The following ZFHX3 variants were observed in gnomAD, a reference collection of about 807,000 sequenced individuals.
ZFHX3 encodes zinc finger homeobox 3, also known as zinc finger homeobox protein 3.
ZFHX3 carries 42 observed loss-of-function variants against 279.1 expected under a neutral mutation model. That is an observed-to-expected ratio of 0.15 (90% CI 0.12 to 0.19). The LOEUF is 0.19. Among genes scored for constraint, ZFHX3 ranks in the 10% least tolerant of loss-of-function variants. ZFHX3 has a pLI of 1.00. For synonymous variants in ZFHX3, 2,293 were observed against 1,957.8 expected (o/e 1.17, Z -4.52); for missense variants, 4,981 against 4,754.0 (o/e 1.05, Z -1.40).
At chr16:73,295,335 G>T (rs1160656105) in intron 4 of ZFHX3, among the ~76,000 whole-genome samples, 5 of 152,216 alleles carry the variant, frequency 3.3e-5, no homozygotes, top group Admixed American at 3.3e-4. Context: ...CTCTTCCAAT[G>T]TCCTGTTTCC....
chr16:73,482,596 C>T (rs1342173572), intron 2 of ZFHX3, among the ~76,000 whole-genome samples: 2 of 152,160 alleles, frequency 1.3e-5, no homozygotes, highest in Non-Finnish European at 2.9e-5. Context: ...AATGCAATCC[C>T]GCAAAGAGTG....
intron 4 of ZFHX3, among the ~76,000 whole-genome samples, chr16:73,268,735 C>G (rs994678626): frequency 6.6e-6 from 1 of 152,142 alleles, no homozygotes; most frequent in African/African-American, 2.4e-5. Flanking sequence ...TGGTGCAACC[C>G]GAAACACTGC....
intron 2 of ZFHX3, among the ~76,000 whole-genome samples, chr16:73,479,811 G>T (rs768780739): frequency 6.6e-6 from 1 of 152,188 alleles, no homozygotes; most frequent in Non-Finnish European, 1.5e-5. Flanking sequence ...GTCACAATGT[G>T]GCAGTTACAC....
intron 5 of ZFHX3, among the ~76,000 whole-genome samples, chr16:73,212,478 G>T (rs2012054770): frequency 6.6e-6 from 1 of 152,168 alleles, no homozygotes; most frequent in Non-Finnish European, 1.5e-5. Flanking sequence ...ATTCTGGTAA[G>T]ATATTTATTC....
chr16:72,931,009 T>C (rs543487636), intron 3 of ZFHX3, among the ~76,000 whole-genome samples: 13 of 152,346 alleles, frequency 8.5e-5, no homozygotes, highest in African/African-American at 3.1e-4. Flanking sequence ...AACCTTAACA[T>C]GTTTATTGCC....
intron 5 of ZFHX3, among the ~76,000 whole-genome samples, chr16:73,222,651 A>G (rs533818433): frequency 1.3e-5 from 2 of 152,250 alleles, no homozygotes; most frequent in Admixed American, 1.3e-4. Context: ...TCCCAACATG[A>G]TTTATAGATT....
At chr16:72,827,072 G>A (rs1220014994) in intron 5 of ZFHX3, among the ~76,000 whole-genome samples, 1 of 152,136 alleles carries the variant, frequency 6.6e-6, no homozygotes, top group African/African-American at 2.4e-5. Context: ...CTTTGCAAGT[G>A]GTGGCTCCTG....
chr16:73,332,600 G>T (rs2015827005), intron 3 of ZFHX3, among the ~76,000 whole-genome samples: 1 of 152,210 alleles, frequency 6.6e-6, no homozygotes, highest in African/African-American at 2.4e-5. Flanking sequence ...GTCAGGAGAA[G>T]AAACTAAATC....
At chr16:73,715,762 C>A (rs778773697) in intron 1 of ZFHX3, among the ~76,000 whole-genome samples, 1 of 151,478 alleles carries the variant, frequency 6.6e-6, no homozygotes, top group Non-Finnish European at 1.5e-5. Flanking sequence ...TTAGTTGAGT[C>A]GGGGTTTCAC....
At chr16:73,611,378 A>C (rs890084960) in intron 2 of ZFHX3, among the ~76,000 whole-genome samples, 9 of 152,186 alleles carry the variant, frequency 5.9e-5, no homozygotes, top group African/African-American at 2.2e-4. Flanking sequence ...ACCGTAGATG[A>C]TTTGGGGGAG....
At position 73,853,241 on chromosome 16, in the gene ZFHX3, T is replaced by C. The variant is rs562916746; in HGVS notation, c.-1608+38410A>G. On this transcript the variant is annotated intron_variant, in intron 1 of 17. Transcript: ENST00000641206. ...CATTGTTGGTGGGAATGTAAATTAG[T>C]TCAAACTCGATGGACAACAATACAG... Among the ~76,000 whole-genome samples, 59 of 152,308 alleles carry C rather than the reference T, an allele frequency of 3.9e-4. 1 individual carries two copies. The South Asian group carries it at 0.012, about 30-fold the overall frequency.
chr16:73,731,697 G>A (rs902534141), intron 1 of ZFHX3, among the ~76,000 whole-genome samples: 2 of 152,118 alleles, frequency 1.3e-5, no homozygotes, highest in African/African-American at 4.8e-5. Flanking sequence ...GAAATAAGAA[G>A]TGACAGGCTA....
intron 3 of ZFHX3, among the ~76,000 whole-genome samples, chr16:73,408,242 T>C (rs2143452489): frequency 6.6e-6 from 1 of 152,162 alleles, no homozygotes; most frequent in Admixed American, 6.5e-5. Context: ...AAGTCTATTG[T>C]TGTGTCCACC....
intron 3 of ZFHX3, among the ~76,000 whole-genome samples, chr16:73,425,253 C>T (rs1165689725): frequency 6.6e-6 from 1 of 152,168 alleles, no homozygotes; most frequent in Non-Finnish European, 1.5e-5. Flanking sequence ...TTATCTCTCT[C>T]CCCAGTCTTG....
chr16:72,904,192 C>A (rs1275978445), intron 3 of ZFHX3, among the ~76,000 whole-genome samples: 2 of 151,890 alleles, frequency 1.3e-5, no homozygotes, highest in African/African-American at 2.4e-5. Flanking sequence ...ATGGCAAAAC[C>A]CCACCTCTAC....
intron 5 of ZFHX3, among the ~76,000 whole-genome samples, chr16:73,190,360 C>A (rs1312848730): frequency 1.3e-5 from 2 of 152,194 alleles, no homozygotes; most frequent in African/African-American, 4.8e-5. Flanking sequence ...AAAGACACAG[C>A]TAAGTTTAGA....
intron 1 of ZFHX3, among the ~76,000 whole-genome samples, chr16:73,735,891 GTT>G (rs1172810644): frequency 5.5e-4 from 8 of 14,596 alleles, no homozygotes; most frequent in Non-Finnish European, 7.4e-4. Flanking sequence ...CAGCCATTCC[GTT>G]TTTTTTTTTT....
intron 4 of ZFHX3, among the ~76,000 whole-genome samples, chr16:73,285,760 A>G (rs2014580427): frequency 2.0e-5 from 3 of 152,198 alleles, no homozygotes; most frequent in African/African-American, 7.2e-5. Flanking sequence ...AGGATACAGC[A>G]GGCTCTGGGG....
chr16:73,051,380 G>T (rs1195315374), upstream of ZFHX3, among the ~76,000 whole-genome samples: 2 of 152,170 alleles, frequency 1.3e-5, no homozygotes, highest in African/African-American at 4.8e-5. Flanking sequence ...TACCCGCTGG[G>T]TGGCCGAGCC....
Sources: gnomAD v4.1 joint callset for allele counts (sites outside exome capture counted in the v4.1 genomes callset) on GRCh38, gnomAD v4.1.1 for gene constraint, MANE v1.5 for transcripts, NCBI Gene and HGNC (gene_info 2026-07-23, HGNC 2026-07-21) for gene names.